The following SCFD2 variants were observed in gnomAD, a reference collection of about 807,000 sequenced individuals.
The protein encoded by SCFD2 is sec1 family domain containing 2.
In SCFD2, 54 loss-of-function variants were observed where a neutral mutation model predicts 58.9. The ratio of observed to expected loss-of-function variants is 0.92; its 90% CI spans 0.74 to 1.15. SCFD2 has a LOEUF of 1.15. Ranked by LOEUF, SCFD2 falls within the 50% of genes most tolerant of loss-of-function variation. The pLI is 0.00. For missense variants in SCFD2, 805 were observed against 836.6 expected (o/e 0.96, Z 0.47); for synonymous variants, 321 against 335.9 (o/e 0.96, Z 0.49).
At chr4:53,145,684 T>A (rs1726308745) in intron 4 of SCFD2, 102 bp from the exon 5 acceptor site, 2 of 1,026,020 alleles carry the variant, frequency 1.9e-6, no homozygotes, top group Non-Finnish European at 2.9e-6. Context: ...CTGTATATGA[T>A]ATTTACTGAC....
At chr4:53,005,071 T>C (rs1721943643) in intron 5 of SCFD2, among the ~76,000 whole-genome samples, 1 of 152,154 alleles carries the variant, frequency 6.6e-6, no homozygotes, top group African/African-American at 2.4e-5. Context: ...ATAATTTTTG[T>C]ATTTTTAGTA....
intron 5 of SCFD2, among the ~76,000 whole-genome samples, chr4:53,136,207 A>G (rs1725933523): frequency 6.6e-6 from 1 of 152,202 alleles, no homozygotes; most frequent in African/African-American, 2.4e-5. Context: ...GTTGGGAATC[A>G]CTGGTCTAGT....
In SCFD2 at chr4:53,108,509, GAC is replaced by G. The variant is rs1205433872; in HGVS notation, c.1561+36822_1561+36823del. Among the ~76,000 whole-genome samples, 8 of 151,924 alleles carry G rather than the reference GAC, an allele frequency of 5.3e-5. No individual in the cohort carries two copies. In the East Asian group the frequency reaches 1.5e-3, roughly 29 times the overall value. On this transcript the variant is annotated intron_variant, in intron 5 of 8. Transcript: ENST00000401642. ...GAAGAAAAGAGAGAAGAATCAAATA[GAC>G]ACAATAAAAATGATAAAGGGAATAT...
At chr4:53,174,811 C>T (rs1727280146) in intron 4 of SCFD2, among the ~76,000 whole-genome samples, 2 of 152,336 alleles carry the variant, frequency 1.3e-5, no homozygotes, top group Non-Finnish European at 1.5e-5. Context: ...TTCATACCCA[C>T]ACCTCACCCC....
In SCFD2 at chr4:52,888,678, C is replaced by T. The variant is rs528480673; in HGVS notation, c.1843-2812G>A. Among the ~76,000 whole-genome samples, 231 of 152,312 alleles carry T rather than the reference C, an allele frequency of 1.5e-3. 1 individual carries two copies. The highest frequency in any genetic ancestry group is 0.012 in the South Asian group (56 of 4,824). On this transcript the variant is annotated intron_variant, in intron 7 of 8. Coordinates refer to ENST00000401642, the MANE Select transcript of SCFD2 (RefSeq NM_152540.4). Reference sequence around the variant, plus strand: ...TCTCTAGGTAGTTCCTTCTACCCTTCTAATTATTTCTTCTCAGATTTCTTA... The same window carrying T: ...TCTCTAGGTAGTTCCTTCTACCCTTTTAATTATTTCTTCTCAGATTTCTTA...
At chr4:53,121,644 C>T (rs371029413) in intron 5 of SCFD2, among the ~76,000 whole-genome samples, 13 of 152,128 alleles carry the variant, frequency 8.5e-5, no homozygotes, top group Non-Finnish European at 1.8e-4. Context: ...ACTGGCAGAG[C>T]CAACTGAATG....
At chr4:53,152,670 G>C (rs1452868661) in intron 4 of SCFD2, among the ~76,000 whole-genome samples, 2 of 152,152 alleles carry the variant, frequency 1.3e-5, no homozygotes, top group Admixed American at 6.5e-5. Flanking sequence ...CCAAGGTCTT[G>C]ACTCATTCCA....
intron 5 of SCFD2, among the ~76,000 whole-genome samples, chr4:52,935,848 A>C (rs995841149): frequency 4.0e-5 from 6 of 151,600 alleles, no homozygotes; most frequent in Non-Finnish European, 7.4e-5. Context: ...CTTTTCTTTT[A>C]TTTTTTGAGA....
intron 5 of SCFD2, among the ~76,000 whole-genome samples, chr4:52,938,908 G>A (rs1210937135): frequency 6.6e-6 from 1 of 152,162 alleles, no homozygotes; most frequent in Non-Finnish European, 1.5e-5. Flanking sequence ...TCTGAATGAG[G>A]TAGGGATTGG....
At position 52,897,559 on chromosome 4, in the gene SCFD2, T is replaced by C. The variant is rs1329558584; in HGVS notation, c.1842+9898A>G. 6.6e-5 allele frequency among the ~76,000 whole-genome samples: 10 copies of C among 152,160 alleles called. No homozygotes were observed. In the South Asian group the frequency reaches 1.9e-3, roughly 29 times the overall value. Reference sequence around the variant, plus strand: ...TGATGTGTTGCTGGATTTGGTTTGCTAGTATTTTATTGAGGATTTTTGCAT... The same window carrying C: ...TGATGTGTTGCTGGATTTGGTTTGCCAGTATTTTATTGAGGATTTTTGCAT... On this transcript the variant is annotated intron_variant, in intron 7 of 8. Transcript: ENST00000401642.
intron 5 of SCFD2, among the ~76,000 whole-genome samples, chr4:52,943,522 C>T (rs994266485): frequency 4.6e-5 from 7 of 152,122 alleles, no homozygotes; most frequent in African/African-American, 1.7e-4. Flanking sequence ...TTCAAGCACT[C>T]ACCATGCAGT....
chr4:52,919,284 G>T (rs1315803355), intron 6 of SCFD2, among the ~76,000 whole-genome samples: 1 of 152,132 alleles, frequency 6.6e-6, no homozygotes, highest in Non-Finnish European at 1.5e-5. Context: ...CTTGCTTCTT[G>T]ACATTTTTGG....
intron 4 of SCFD2, among the ~76,000 whole-genome samples, chr4:53,158,505 T>G (rs1218053082): frequency 6.6e-6 from 1 of 152,206 alleles, no homozygotes; most frequent in Non-Finnish European, 1.5e-5. Context: ...AGTCAGAAGC[T>G]TGGACTCTAC....
At chr4:53,184,175 C>A (rs573075531) in intron 4 of SCFD2, among the ~76,000 whole-genome samples, 1 of 152,216 alleles carries the variant, frequency 6.6e-6, no homozygotes, top group South Asian at 2.1e-4. Flanking sequence ...TTCCTTACAT[C>A]ATTTAGTAAC....
intron 5 of SCFD2, among the ~76,000 whole-genome samples, chr4:52,985,243 A>G (rs578077103): frequency 1.8e-4 from 28 of 152,330 alleles, no homozygotes; most frequent in African/African-American, 6.7e-4. Context: ...AGAGTGGGAC[A>G]TGGTATTCAG....
chr4:53,020,065 A>C (rs1402025514), intron 5 of SCFD2, among the ~76,000 whole-genome samples: 1 of 152,170 alleles, frequency 6.6e-6, no homozygotes, highest in Non-Finnish European at 1.5e-5. Context: ...CTCCCACACT[A>C]AAACCATTAG....
intron 5 of SCFD2, among the ~76,000 whole-genome samples, chr4:53,045,043 C>T (rs1007553307): frequency 2.0e-5 from 3 of 151,908 alleles, no homozygotes; most frequent in African/African-American, 7.3e-5. Context: ...AACAAATCTG[C>T]CATCTGCATT....
At chr4:52,899,941 T>C (rs1560474753) in intron 7 of SCFD2, among the ~76,000 whole-genome samples, 1 of 152,238 alleles carries the variant, frequency 6.6e-6, no homozygotes, top group Admixed American at 6.5e-5. Flanking sequence ...GTTGATCGCA[T>C]CGGTTACTTA....
intron 7 of SCFD2, among the ~76,000 whole-genome samples, chr4:52,888,757 C>G (rs1311170146): frequency 6.6e-6 from 1 of 152,204 alleles, no homozygotes; most frequent in Non-Finnish European, 1.5e-5. Context: ...ACAGCTCCAT[C>G]CTTGGTTCCT....
Sources: gnomAD v4.1 joint callset for allele counts (sites outside exome capture counted in the v4.1 genomes callset) on GRCh38, gnomAD v4.1.1 for gene constraint, MANE v1.5 for transcripts, NCBI Gene and HGNC (gene_info 2026-07-23, HGNC 2026-07-21) for gene names.